Variants in RYR3 observed in about 807,000 individuals in gnomAD.
The protein encoded by RYR3 is brain ryanodine receptor-calcium release channel.
Under a neutral mutation model 584.3 loss-of-function variants are expected in RYR3, and 207 were observed. That is an observed-to-expected ratio of 0.35 (90% CI 0.32 to 0.40). RYR3 has a LOEUF of 0.40. Ranked by LOEUF, RYR3 falls within the 10% of genes least tolerant of loss-of-function variation. The pLI is 1.00. For synonymous variants in RYR3, 2,416 were observed against 2,248.5 expected (o/e 1.07, Z -2.11); for missense variants, 5,616 against 6,089.2 (o/e 0.92, Z 2.59).
intron 10 of RYR3, among the ~76,000 whole-genome samples, chr15:33,558,339 A>T (rs915970398): frequency 5.0e-5 from 7 of 140,216 alleles, no homozygotes; most frequent in Non-Finnish European, 3.2e-5. Context: ...GAGTGAGAAC[A>T]TGCGGTGTTT....
At chr15:33,421,079 A>T (rs1030614600) in intron 1 of RYR3, among the ~76,000 whole-genome samples, 3 of 152,108 alleles carry the variant, frequency 2.0e-5, no homozygotes, top group Non-Finnish European at 2.9e-5. Context: ...GAGAGGAGGG[A>T]TTTCACTTAC....
chr15:33,845,035 C>G lies in RYR3; in HGVS notation c.13470C>G (p.Val4490=), dbSNP rs764164139. The change falls in exon 93 of 104, where the codon GTC becomes GTG. Residue 4490 remains valine, a synonymous_variant. Coordinates refer to ENST00000634891, the MANE Select transcript of RYR3 (RefSeq NM_001036.6). ...LAIIHTIISL[V]CVVGYYCLKV... ...TCATCCATACCATCATCTCTCTAGT[C>G]TGTGTGGTGGGCTACTACTGCCTGA... is the stretch of plus-strand genomic sequence containing the variant. 2.5e-6 allele frequency: 4 copies of G among 1,613,916 alleles called. No homozygotes were observed. In the South Asian group the frequency reaches 3.3e-5, roughly 13 times the overall value.
intron 1 of RYR3, among the ~76,000 whole-genome samples, chr15:33,389,332 T>C (rs558801914): frequency 1.6e-4 from 25 of 152,268 alleles, no homozygotes; most frequent in African/African-American, 6.0e-4. Flanking sequence ...ATATCTAAAA[T>C]CAATACATTA....
intron 103 of RYR3, 55 bp from the exon 104 acceptor site, chr15:33,865,076 G>C (rs117334660): frequency 0.037 from 52,700 of 1,427,246 alleles, 1,345 homozygotes; most frequent in Non-Finnish European, 0.039. Context: ...AACAAACTGG[G>C]TTTTAGCTTT....
In RYR3 at chr15:33,773,505, A is replaced by C. The variant is rs527623992; in HGVS notation, c.9056-29A>C. On this transcript the variant is annotated intron_variant, in intron 63 of 103. Transcript: ENST00000634891. ...TCCTTTCTGTATTCAGGATTGATGC[A>C]AATCAATGATATTTCTTCTTTGTTT... 12 of 1,515,374 alleles carry C rather than the reference A, an allele frequency of 7.9e-6. No homozygotes were observed. In the South Asian group the frequency reaches 8.2e-5, roughly 10 times the overall value. The allele number at this position is 1,515,374 out of a possible 1,614,324, so 93.9% of individuals were successfully genotyped here.
At chr15:33,606,104 C>T (rs930247428) in intron 18 of RYR3, among the ~76,000 whole-genome samples, 2 of 152,204 alleles carry the variant, frequency 1.3e-5, no homozygotes, top group Non-Finnish European at 2.9e-5. Flanking sequence ...CAAGAACAAA[C>T]AGCGTAGCTT....
intron 1 of RYR3, among the ~76,000 whole-genome samples, chr15:33,462,121 G>A (rs1363780586): frequency 6.6e-6 from 1 of 152,158 alleles, no homozygotes; most frequent in Non-Finnish European, 1.5e-5. Context: ...TAAGTGACCT[G>A]TTTTCAAAGA....
At chr15:33,381,242 T>C (rs1015196196) in intron 1 of RYR3, among the ~76,000 whole-genome samples, 9 of 152,126 alleles carry the variant, frequency 5.9e-5, no homozygotes, top group Non-Finnish European at 1.2e-4. Context: ...ATCTTAGAAA[T>C]GCCCGAGACC....
intron 23 of RYR3, among the ~76,000 whole-genome samples, chr15:33,632,745 C>T (rs1254439137): frequency 2.0e-5 from 3 of 152,120 alleles, no homozygotes; most frequent in Non-Finnish European, 4.4e-5. Context: ...AAATACGTTA[C>T]ATATGTTGGG....
rs1369726910 is a variant in RYR3, at chr15:33,697,934, C to G, written c.6187C>G (p.Leu2063Val). 4 of 1,613,740 alleles carry G rather than the reference C, an allele frequency of 2.5e-6. No individual in the cohort carries two copies. The change falls in exon 40 of 104, where the codon CTG becomes GTG. Residue 2063 changes from leucine (L) to valine (V), a missense_variant. Physicochemically the swap from Leu to Val is conservative, Grantham distance 32 (BLOSUM62 1). This residue lies in a region of RYR3 where 1,280 missense variants were observed against 1,426.2 expected (regional missense o/e 0.90). Coordinates refer to ENST00000634891, the MANE Select transcript of RYR3 (RefSeq NM_001036.6). The part of the protein sequence containing the change: ...FYQHPNLMRV[L>V]GMHETVMEVM... ...CCAGCATCCCAACCTCATGAGAGTC[C>G]TGGGCATGCACGAGACGGTGATGGA...
chr15:33,724,455 CATGCCTCA>C (rs2068192936), intron 45 of RYR3, among the ~76,000 whole-genome samples: 1 of 152,202 alleles, frequency 6.6e-6, no homozygotes, highest in African/African-American at 2.4e-5. Context: ...TCCCATTTGA[CATGCCTCA>C]ATTTGGTCAA....
chr15:33,703,399 A>G (rs1290408802), intron 42 of RYR3, among the ~76,000 whole-genome samples: 1 of 152,226 alleles, frequency 6.6e-6, no homozygotes, highest in Non-Finnish European at 1.5e-5. Flanking sequence ...CTGGAAGTCC[A>G]AGATCGAGGT....
intron 43 of RYR3, among the ~76,000 whole-genome samples, chr15:33,717,923 C>G (rs1240722583): frequency 3.9e-5 from 6 of 152,154 alleles, no homozygotes; most frequent in Admixed American, 2.0e-4. Context: ...CACAGTGGCT[C>G]TTAGACATAT....
intron 3 of RYR3, among the ~76,000 whole-genome samples, chr15:33,524,055 G>A (rs1362448626): frequency 6.6e-6 from 1 of 152,056 alleles, no homozygotes; most frequent in Non-Finnish European, 1.5e-5. Context: ...CAGGGAATAG[G>A]CAAAATACTT....
intron 2 of RYR3, 109 bp from the exon 3 acceptor site, chr15:33,503,522 C>A: frequency 1.5e-6 from 1 of 657,756 alleles, no homozygotes. Context: ...CCTATTCATC[C>A]ATCCAACTGT....
At chr15:33,773,145 C>T (rs972028346) in intron 63 of RYR3, among the ~76,000 whole-genome samples, 2 of 152,220 alleles carry the variant, frequency 1.3e-5, no homozygotes, top group Admixed American at 1.3e-4. Context: ...ATTCAAGCTT[C>T]AGATTTTCTG....
At chr15:33,496,977 C>T (rs1220555207) in intron 2 of RYR3, among the ~76,000 whole-genome samples, 1 of 152,038 alleles carries the variant, frequency 6.6e-6, no homozygotes, top group Non-Finnish European at 1.5e-5. Context: ...TTTGTTTGTC[C>T]CCAGAGCAGC....
chr15:33,591,264 G>A (rs891581837), intron 16 of RYR3, among the ~76,000 whole-genome samples: 6 of 152,138 alleles, frequency 3.9e-5, no homozygotes, highest in Admixed American at 3.3e-4. Flanking sequence ...GTTGGAATTG[G>A]TCTCCTCTCT....
chr15:33,712,136 A>G (rs1400628245), intron 43 of RYR3, among the ~76,000 whole-genome samples: 2 of 152,166 alleles, frequency 1.3e-5, no homozygotes, highest in Non-Finnish European at 2.9e-5. Context: ...GAAAGCAGGC[A>G]TAAGGCAAGG....
Sources: gnomAD v4.1 joint callset for allele counts (sites outside exome capture counted in the v4.1 genomes callset) on GRCh38, gnomAD v4.1.1 for gene constraint, gnomAD v4.1.1 regional missense constraint, MANE v1.5 for transcripts, NCBI Gene and HGNC (gene_info 2026-07-23, HGNC 2026-07-21) for gene names.